Variants in SLC2A14 observed in about 807,000 individuals in gnomAD.
The protein encoded by SLC2A14 is solute carrier family 2 member 14.
Under a neutral mutation model 43.0 loss-of-function variants are expected in SLC2A14, and 13 were observed. The ratio of observed to expected loss-of-function variants is 0.30; its 90% confidence interval spans 0.20 to 0.48. SLC2A14 has a LOEUF of 0.48. Among genes scored for constraint, SLC2A14 ranks in the 20% least tolerant of loss-of-function variants. The probability of loss-of-function intolerance (pLI) is 0.99; values close to 1 mark genes in which losing one functional copy is unlikely to be tolerated. For synonymous variants in SLC2A14, 190 were observed against 233.8 expected, an observed-to-expected ratio of 0.81 and a Z score of 1.71; for missense variants, 428 against 620.4, an observed-to-expected ratio of 0.69 and a Z score of 3.29.
chr12:7,824,728 C>CAA (rs59362614), intron 7 of SLC2A14, among the ~76,000 whole-genome samples: 10,910 of 112,810 alleles, frequency 0.097, 1,408 homozygotes, highest in African/African-American at 0.29. Flanking sequence ...GACTCTGTCT[C>CAA]AAAAAAAAAA....
intron 2 of SLC2A14, among the ~76,000 whole-genome samples, chr12:7,842,905 T>G (rs1400849298): frequency 6.6e-6 from 1 of 152,040 alleles, no homozygotes; most frequent in African/African-American, 2.4e-5. Flanking sequence ...ATTTTATATT[T>G]TTAGTAGAGA....
At chr12:7,819,212 C>T (rs1271166101) in intron 9 of SLC2A14, among the ~76,000 whole-genome samples, 10 of 151,962 alleles carry the variant, frequency 6.6e-5, no homozygotes, top group Admixed American at 2.0e-4. Context: ...AGCAAAACTC[C>T]GTCTCAAACA....
intron 2 of SLC2A14, among the ~76,000 whole-genome samples, chr12:7,861,209 G>A (rs1020792177): frequency 6.6e-6 from 1 of 152,124 alleles, no homozygotes; most frequent in Non-Finnish European, 1.5e-5. Flanking sequence ...AAAGGCACCA[G>A]AGCAACATTG....
intron 7 of SLC2A14, among the ~76,000 whole-genome samples, chr12:7,823,372 G>T (rs1366127441): frequency 7.5e-6 from 1 of 133,180 alleles, no homozygotes; most frequent in South Asian, 2.4e-4. Context: ...AACAGAGCGA[G>T]ACTCCATATC....
At chr12:7,836,315 G>A (rs1007493284) in intron 2 of SLC2A14, among the ~76,000 whole-genome samples, 10 of 150,692 alleles carry the variant, frequency 6.6e-5, no homozygotes, top group Non-Finnish European at 1.3e-4. Flanking sequence ...CTGCCTCCCC[G>A]GTTCAAGCAG....
intron 2 of SLC2A14, among the ~76,000 whole-genome samples, chr12:7,837,152 G>A (rs760253183): frequency 6.6e-6 from 1 of 151,166 alleles, no homozygotes; most frequent in East Asian, 1.9e-4. Context: ...GGGTGACAGA[G>A]TGAGACTCCA....
Position 7,888,793 on chromosome 12 carries a change from G to A in SLC2A14, c.132+2203C>T, listed in dbSNP as rs1393808326. 7.4e-4 allele frequency among the ~76,000 whole-genome samples: 36 copies of A among 48,412 alleles called. 1 individual carries two copies. The East Asian group carries it at 0.011, about 14-fold the overall frequency. The allele number at this position is 48,412 out of a possible 152,430, so 31.8% of individuals were successfully genotyped here. On this transcript the variant is annotated intron_variant, in intron 1 of 9. Transcript: ENST00000539924. ...AGCCTGGGCAACAGAGCAAGACTCC[G>A]TCTCAAAAAAAAAAAAAAAAAAGAA...
chr12:7,830,899 G>C (rs942701760), intron 4 of SLC2A14, among the ~76,000 whole-genome samples: 1 of 151,952 alleles, frequency 6.6e-6, no homozygotes, highest in East Asian at 1.9e-4. Flanking sequence ...TGAGGTGGGC[G>C]GATCACGTAA....
chr12:7,882,371 A>C (rs1945597750), intron 1 of SLC2A14, among the ~76,000 whole-genome samples: 1 of 152,036 alleles, frequency 6.6e-6, no homozygotes, highest in Non-Finnish European at 1.5e-5. Context: ...CAGAAGGAAC[A>C]AACTCCAGAT....
intron 1 of SLC2A14, among the ~76,000 whole-genome samples, chr12:7,880,353 AACAC>A (rs1375314671): frequency 1.3e-5 from 2 of 150,828 alleles, no homozygotes; most frequent in Non-Finnish European, 3.0e-5. Context: ...CAACAACAAA[AACAC>A]ACACAAAAAA....
At chr12:7,871,755 A>G in intron 1 of SLC2A14, 1 of 261,528 alleles carries the variant, frequency 3.8e-6, no homozygotes. Context: ...TAGTCCTGAG[A>G]TCCAATACCA....
At chr12:7,835,743 C>T (rs1277168500) in intron 2 of SLC2A14, among the ~76,000 whole-genome samples, 2 of 152,150 alleles carry the variant, frequency 1.3e-5, no homozygotes, top group Admixed American at 1.3e-4. Context: ...AATGGCATTT[C>T]AAGACACACA....
intron 2 of SLC2A14, among the ~76,000 whole-genome samples, chr12:7,867,108 T>A (rs1489184619): frequency 1.3e-5 from 2 of 151,544 alleles, no homozygotes; most frequent in Middle Eastern, 3.4e-3. Context: ...TGAAACCCCG[T>A]CTCTACTAAA....
intron 1 of SLC2A14, among the ~76,000 whole-genome samples, chr12:7,882,549 G>A (rs989576518): frequency 5.3e-5 from 8 of 152,008 alleles, no homozygotes; most frequent in African/African-American, 1.9e-4. Flanking sequence ...TTTATTTGAG[G>A]CTAGCGTCGG....
rs71038779 is a variant in SLC2A14, at chr12:7,826,861, T to TTTTCTTTCTTTCTTTC, written c.864+618_864+633dup. Among the ~76,000 whole-genome samples the TTTTCTTTCTTTCTTTC allele has an allele frequency of 3.5e-3, 209 of 60,290 alleles. 6 individuals are homozygous for TTTTCTTTCTTTCTTTC. Among genetic ancestry groups the TTTTCTTTCTTTCTTTC allele is most frequent in the East Asian group, 4.6e-3 (10 of 2,164 alleles). The allele number at this position is 60,290 out of a possible 152,430, so 39.6% of individuals were successfully genotyped here. On this transcript the variant is annotated intron_variant, in intron 7 of 10. Transcript: ENST00000431042. ...TCCTTCCTTCCTTCCTTCCTTTCTT[T>TTTTCTTTCTTTCTTTC]TTTCTTTCTTTCTTTCTTTCTTTCT...
chr12:7,863,307 C>T (rs1046895934), intron 2 of SLC2A14: 28 of 443,682 alleles, frequency 6.3e-5, no homozygotes, highest in South Asian at 3.6e-4. Flanking sequence ...ACACTCCGAA[C>T]GCATCTGAAC....
intron 4 of SLC2A14, among the ~76,000 whole-genome samples, chr12:7,830,716 T>C (rs7974873): frequency 0.98 from 148,907 of 152,304 alleles, 72,854 homozygotes; most frequent in East Asian, 1. Context: ...GTGAATTACA[T>C]TCTTGCATTT....
At chr12:7,881,339 G>T (rs761053294) in intron 1 of SLC2A14, among the ~76,000 whole-genome samples, 1 of 151,992 alleles carries the variant, frequency 6.6e-6, no homozygotes, top group African/African-American at 2.4e-5. Flanking sequence ...CGAGTTCCGG[G>T]TGGGTTTGGG....
chr12:7,855,539 C>T (rs2120956372), intron 2 of SLC2A14, among the ~76,000 whole-genome samples: 1 of 152,290 alleles, frequency 6.6e-6, no homozygotes, highest in Non-Finnish European at 1.5e-5. Context: ...ATTACTACCC[C>T]TGCAGCTGCC....
Sources: gnomAD v4.1 joint callset for allele counts (sites outside exome capture counted in the v4.1 genomes callset) on GRCh38, gnomAD v4.1.1 for gene constraint, MANE v1.5 for transcripts, NCBI Gene and HGNC (gene_info 2026-07-23, HGNC 2026-07-21) for gene names.